The following IGF2BP3 variants were observed in gnomAD, a reference collection of about 807,000 sequenced individuals.
The protein encoded by IGF2BP3 is insulin like growth factor 2 mRNA binding protein 3.
A neutral mutation model predicts 73.8 loss-of-function variants in IGF2BP3; 9 were observed. The observed-to-expected ratio is 0.12, with a 90% confidence interval of 0.07 to 0.21. The LOEUF is 0.21. IGF2BP3 is among the 10% of genes least tolerant of loss of function. The pLI is 1.00. For synonymous variants in IGF2BP3, 258 were observed against 256.7 expected, an observed-to-expected ratio of 1.01 and a Z score of -0.05; for missense variants, 542 against 714.0, an observed-to-expected ratio of 0.76 and a Z score of 2.75.
chr7:23,396,620 A>G (rs1183112148), intron 3 of IGF2BP3: 1 of 152,216 alleles, frequency 6.6e-6, no homozygotes, highest in East Asian at 1.9e-4. Context: ...GCGTGGTAGG[A>G]ATGATGTCTA....
rs1263325186 is a variant in IGF2BP3, at chr7:23,310,704, AAATC to A, written c.*1654_*1657del. 6.6e-6 allele frequency: 1 copy of A among 152,258 alleles called. No individual in the cohort carries two copies. Among genetic ancestry groups the A allele is most frequent in the Non-Finnish European group, 1.5e-5 (1 of 68,048 alleles). The allele number at this position is 152,258 out of a possible 1,614,324, so 9.4% of individuals were successfully genotyped here. A position where few individuals can be genotyped will look rare whatever the true frequency, so the allele number is the denominator to read the frequency against. On this transcript the variant is annotated 3_prime_UTR_variant, in exon 15 of 15. Transcript: ENST00000258729. ...CAGAGAACATTAAGGAAAACACTTT[AAATC>A]ATTTTCAAAATGTCTAATTGATCTT...
chr7:23,326,276 C>T (rs1387596939), intron 10 of IGF2BP3, among the ~76,000 whole-genome samples: 1 of 152,274 alleles, frequency 6.6e-6, no homozygotes, highest in South Asian at 2.1e-4. Flanking sequence ...AGACACTTCT[C>T]AAAAGAAGAC....
At chr7:23,421,442 C>T (rs189707290) in intron 2 of IGF2BP3, among the ~76,000 whole-genome samples, 5 of 151,962 alleles carry the variant, frequency 3.3e-5, no homozygotes, top group East Asian at 2.0e-4. Context: ...CCTGTGATCC[C>T]GGCACTTTGG....
intron 10 of IGF2BP3, among the ~76,000 whole-genome samples, chr7:23,320,963 AAAAAAAG>A (rs1562669080): frequency 7.9e-5 from 8 of 101,698 alleles, no homozygotes; most frequent in Admixed American, 3.4e-4. Context: ...AAAAAAAAAA[AAAAAAAG>A]AAAAAACAAA....
intron 6 of IGF2BP3, among the ~76,000 whole-genome samples, chr7:23,349,216 C>T (rs1457699095): frequency 6.6e-6 from 1 of 152,088 alleles, no homozygotes; most frequent in Non-Finnish European, 1.5e-5. Flanking sequence ...TTCCTTTGGC[C>T]ATTCAAACAC....
chr7:23,446,174 G>C (rs867280840), intron 2 of IGF2BP3, among the ~76,000 whole-genome samples: 6 of 152,110 alleles, frequency 3.9e-5, no homozygotes, highest in African/African-American at 1.4e-4. Flanking sequence ...AATAACAACT[G>C]TAACATGTTA....
chr7:23,445,027 C>T (rs1465381883), intron 2 of IGF2BP3, among the ~76,000 whole-genome samples: 2 of 152,178 alleles, frequency 1.3e-5, no homozygotes, highest in Non-Finnish European at 2.9e-5. Context: ...CACTGCATTC[C>T]AGCCTGGGCG....
chr7:23,439,752 T>C lies in IGF2BP3; in HGVS notation c.237-20928A>G, dbSNP rs1022060118. Reference sequence around the variant, plus strand: ...CTCTTGGTCTCCTTTCCAGTGTTGATATAATTGGTCAAAACATTTAACATA... The same window carrying C: ...CTCTTGGTCTCCTTTCCAGTGTTGACATAATTGGTCAAAACATTTAACATA... On this transcript the variant is annotated intron_variant, in intron 2 of 14. Coordinates refer to ENST00000258729, the MANE Select transcript of IGF2BP3 (RefSeq NM_006547.3). 5.3e-5 allele frequency among the ~76,000 whole-genome samples: 8 copies of C among 152,142 alleles called. No individual in the cohort carries two copies. The South Asian group carries it at 1.0e-3, about 20-fold the overall frequency.
chr7:23,393,473 C>G (rs922885197), intron 3 of IGF2BP3, among the ~76,000 whole-genome samples: 1 of 152,118 alleles, frequency 6.6e-6, no homozygotes, highest in East Asian at 1.9e-4. Flanking sequence ...CAGTTTAGAC[C>G]TGTAGCAAGT....
intron 10 of IGF2BP3, among the ~76,000 whole-genome samples, chr7:23,340,910 C>G (rs1188896140): frequency 1.3e-5 from 2 of 149,880 alleles, no homozygotes; most frequent in Non-Finnish European, 3.0e-5. Flanking sequence ...AGTGCAATGG[C>G]GCAATCTCAG....
At position 23,325,129 on chromosome 7, in the gene IGF2BP3, A is replaced by G. The variant is rs202046359; in HGVS notation, c.1204-5875T>C. ...TTCAATTAGGAAAAGAGGAAGTCCAATTGTCCCTGTTTGCAGATGACATGA... is the reference window on the plus strand; with the variant it reads ...TTCAATTAGGAAAAGAGGAAGTCCAGTTGTCCCTGTTTGCAGATGACATGA... On this transcript the variant is annotated intron_variant, in intron 10 of 14. Coordinates refer to ENST00000258729, the MANE Select transcript of IGF2BP3 (RefSeq NM_006547.3). Among the ~76,000 whole-genome samples, 1,371 of 152,224 alleles carry G rather than the reference A, an allele frequency of 9.0e-3. 70 individuals carry two copies. In the East Asian group the frequency reaches 0.16, roughly 18 times the overall value.
At chr7:23,408,241 CAATAA>C (rs58317915) in intron 3 of IGF2BP3, among the ~76,000 whole-genome samples, 37,479 of 151,718 alleles carry the variant, frequency 0.25, 4,774 homozygotes, top group South Asian at 0.34. Context: ...TACATTACAG[CAATAA>C]AAGAAAAGGC....
At chr7:23,328,095 A>G (rs1330848448) in intron 10 of IGF2BP3, among the ~76,000 whole-genome samples, 1 of 151,942 alleles carries the variant, frequency 6.6e-6, no homozygotes, top group African/African-American at 2.4e-5. Context: ...AATCAATCCC[A>G]CTCAAAAGTA....
intron 3 of IGF2BP3, among the ~76,000 whole-genome samples, chr7:23,394,303 T>C (rs962637520): frequency 3.9e-5 from 6 of 152,102 alleles, no homozygotes; most frequent in Non-Finnish European, 8.8e-5. Flanking sequence ...CCTGTCTCTA[T>C]AAAAATTACA....
At chr7:23,330,325 AT>A (rs1254138825) in intron 10 of IGF2BP3, among the ~76,000 whole-genome samples, 1 of 148,366 alleles carries the variant, frequency 6.7e-6, no homozygotes, top group Non-Finnish European at 1.5e-5. Context: ...TTTATACAAT[AT>A]ATATTTATAT....
chr7:23,371,786 C>A (rs965738733), intron 3 of IGF2BP3, among the ~76,000 whole-genome samples: 15 of 152,140 alleles, frequency 9.9e-5, no homozygotes, highest in African/African-American at 3.6e-4. Flanking sequence ...AAGTTAGATC[C>A]TCTAACATGG....
At chr7:23,359,430 GT>G (rs1785171369) in intron 5 of IGF2BP3, among the ~76,000 whole-genome samples, 1 of 152,122 alleles carries the variant, frequency 6.6e-6, no homozygotes, top group East Asian at 1.9e-4. Context: ...GCTAATTTAA[GT>G]TTTCAAATAA....
At chr7:23,399,271 C>G (rs1036652380) in intron 3 of IGF2BP3, among the ~76,000 whole-genome samples, 47 of 151,944 alleles carry the variant, frequency 3.1e-4, no homozygotes, top group African/African-American at 1.1e-3. Flanking sequence ...TGATCTATAC[C>G]TCTGTTTTGG....
intron 3 of IGF2BP3, chr7:23,394,803 G>C (rs532135510): frequency 7.2e-5 from 11 of 152,318 alleles, no homozygotes; most frequent in Non-Finnish European, 1.3e-4. Flanking sequence ...AGAAAGGTTT[G>C]CTTGTTTAGT....
Sources: allele counts gnomAD v4.1 joint callset (sites outside exome capture counted in the v4.1 genomes callset), GRCh38; gene constraint gnomAD v4.1.1; transcripts MANE v1.5; gene names NCBI Gene and HGNC (gene_info 2026-07-23, HGNC 2026-07-21).